THNSL1: variants seen among roughly 807,000 people sequenced by gnomAD.
The protein encoded by THNSL1 is threonine synthase-like 1.
A neutral mutation model predicts 50.4 loss-of-function variants in THNSL1; 48 were observed. The observed-to-expected ratio is 0.95, with a 90% confidence interval of 0.76 to 1.21. THNSL1 has a LOEUF of 1.21. Ranked by LOEUF, THNSL1 falls within the 50% of genes most tolerant of loss-of-function variation. The pLI, the probability that THNSL1 is intolerant of heterozygous loss-of-function variation, is 0.00. For synonymous variants in THNSL1, 309 were observed against 306.1 expected (o/e 1.01, Z -0.10); for missense variants, 896 against 871.7 (o/e 1.03, Z -0.35).
the THNSL1 span, chr10:24,984,219 C>G: frequency 8.8e-6 from 7 of 794,618 alleles, no homozygotes; most frequent in Non-Finnish European, 1.9e-6. Context: ...CTGGGAATAA[C>G]TGCAAATGTC....
chr10:24,996,669 A>C, the THNSL1 span, among the ~76,000 whole-genome samples: 1 of 152,120 alleles, frequency 6.6e-6, no homozygotes. Flanking sequence ...TTTTAACCCC[A>C]TCACAATTAC....
At chr10:24,976,570 A>G in the THNSL1 span, among the ~76,000 whole-genome samples, 2 of 151,756 alleles carry the variant, frequency 1.3e-5, no homozygotes, top group Non-Finnish European at 2.9e-5. Context: ...GCTCACTGCA[A>G]CCTCCGCCTC....
chr10:25,007,101 C>T, the THNSL1 span, among the ~76,000 whole-genome samples: 1 of 152,148 alleles, frequency 6.6e-6, no homozygotes, highest in Non-Finnish European at 1.5e-5. Flanking sequence ...CAGACACAGT[C>T]TTATTCTGTA....
chr10:25,006,748 A>T, the THNSL1 span, among the ~76,000 whole-genome samples: 1 of 152,214 alleles, frequency 6.6e-6, no homozygotes, highest in African/African-American at 2.4e-5. Context: ...CTGAAGCAAA[A>T]AGGACTCAGT....
chr10:24,990,614 A>T, the THNSL1 span: 1 of 1,591,526 alleles, frequency 6.3e-7, no homozygotes, highest in East Asian at 2.2e-5. Flanking sequence ...ATAATCCTAA[A>T]AAGATTTTGC....
chr10:25,000,001 TTTTAA>T, the THNSL1 span, among the ~76,000 whole-genome samples: 2 of 152,146 alleles, frequency 1.3e-5, no homozygotes, highest in African/African-American at 4.8e-5. Flanking sequence ...CTTACTTTGG[TTTTAA>T]TTTGTTTTTC....
upstream of THNSL1, chr10:25,015,762 TTTTA>T (rs1384015263): frequency 1.4e-5 from 16 of 1,140,084 alleles, no homozygotes; most frequent in African/African-American, 4.8e-5. Context: ...CAAAAATACA[TTTTA>T]TTTATTATTA....
chr10:24,984,483 A>T, the THNSL1 span: 2 of 1,343,170 alleles, frequency 1.5e-6, no homozygotes, highest in Non-Finnish European at 2.0e-6. Context: ...AATGAATTAC[A>T]TTGTGGAACT....
At chr10:24,962,317 G>T in the THNSL1 span, among the ~76,000 whole-genome samples, 1 of 152,092 alleles carries the variant, frequency 6.6e-6, no homozygotes, top group Non-Finnish European at 1.5e-5. Flanking sequence ...TGAATTAAGA[G>T]CCCCATTTTT....
At chr10:24,979,085 A>G in the THNSL1 span, among the ~76,000 whole-genome samples, 2 of 152,172 alleles carry the variant, frequency 1.3e-5, no homozygotes, top group African/African-American at 4.8e-5. Context: ...CGAATAAATC[A>G]CCTGAGGTTT....
the THNSL1 span, among the ~76,000 whole-genome samples, chr10:24,962,480 A>G: frequency 2.0e-5 from 3 of 152,246 alleles, no homozygotes; most frequent in Non-Finnish European, 4.4e-5. Context: ...AAACATAACT[A>G]CATCACTAAA....
rs1850584790 is a variant in THNSL1 at position 25,016,643 on chromosome 10, A to C, written c.-265A>C. 6.6e-6 allele frequency: 1 copy of C among 152,472 alleles called. No homozygotes were observed. Among genetic ancestry groups the C allele is most frequent in the African/African-American group, 2.4e-5 (1 of 41,462 alleles). 9.4% of individuals were successfully genotyped at this position (152,472 alleles called of 1,614,324 possible). A position where few individuals can be genotyped will look rare whatever the true frequency, so the allele number is the denominator to read the frequency against. ...CGGAGGCACGCTGGCCGCCGCAGGCACAGGCGCAGAGTCCACTGCGCGGGG... is the reference window on the plus strand; with the variant it reads ...CGGAGGCACGCTGGCCGCCGCAGGCCCAGGCGCAGAGTCCACTGCGCGGGG... On this transcript the variant is annotated 5_prime_UTR_variant, in exon 1 of 3. Coordinates refer to ENST00000376356, the MANE Select transcript of THNSL1 (RefSeq NM_024838.5).
chr10:24,952,736 G>A, the THNSL1 span: 2 of 680,648 alleles, frequency 2.9e-6, no homozygotes, highest in Non-Finnish European at 4.7e-6. This position sits in a 1 kb window ranked among gnomAD's most constrained non-coding sequence, Gnocchi z 5.1. Flanking sequence ...GGGAAGCAGC[G>A]GCCTGACGCG....
the THNSL1 span, among the ~76,000 whole-genome samples, chr10:25,000,854 T>G: frequency 1.5e-3 from 234 of 152,208 alleles, no homozygotes; most frequent in Non-Finnish European, 3.1e-3. Flanking sequence ...TATCTTGCTT[T>G]TCATTTTGTT....
the THNSL1 span, chr10:24,990,462 C>T: frequency 3.2e-5 from 51 of 1,610,822 alleles, no homozygotes; most frequent in East Asian, 1.1e-3. Context: ...AGAACACACA[C>T]CTGCAAAACT....
At chr10:25,009,510 G>A in the THNSL1 span, among the ~76,000 whole-genome samples, 1 of 152,192 alleles carries the variant, frequency 6.6e-6, no homozygotes, top group South Asian at 2.1e-4. Context: ...TGTTGATAAG[G>A]TAGAGAAATA....
At chr10:24,968,772 T>C in the THNSL1 span, among the ~76,000 whole-genome samples, 1 of 152,270 alleles carries the variant, frequency 6.6e-6, no homozygotes, top group East Asian at 1.9e-4. Context: ...CTAGGTATTC[T>C]GTATGTTACT....
chr10:25,008,763 C>A, the THNSL1 span, among the ~76,000 whole-genome samples: 97 of 152,242 alleles, frequency 6.4e-4, no homozygotes, highest in Non-Finnish European at 1.3e-3. Flanking sequence ...TGGGTATATA[C>A]CCAAAGGACC....
chr10:25,004,085 G>C, the THNSL1 span, among the ~76,000 whole-genome samples: 1 of 152,186 alleles, frequency 6.6e-6, no homozygotes, highest in Admixed American at 6.5e-5. Context: ...ACACATCCAT[G>C]TCCCTGCAAA....
Sources: allele counts gnomAD v4.1 joint callset (sites outside exome capture counted in the v4.1 genomes callset), GRCh38; gene constraint gnomAD v4.1.1; non-coding constraint Gnocchi (gnomAD v3.1); transcripts MANE v1.5; gene names NCBI Gene and HGNC (gene_info 2026-07-23, HGNC 2026-07-21).